BLTP1: variants seen among roughly 807,000 people sequenced by gnomAD.
BLTP1 encodes the protein fragile site-associated protein.
chr4:122,348,113 A>G, the BLTP1 span, among the ~76,000 whole-genome samples: 1 of 152,188 alleles, frequency 6.6e-6, no homozygotes, highest in African/African-American at 2.4e-5. Context: ...AGATTAAAAT[A>G]TAATGAGCAA....
the BLTP1 span, chr4:122,246,929 G>A: frequency 6.9e-7 from 1 of 1,455,942 alleles, no homozygotes; most frequent in South Asian, 1.5e-5. Flanking sequence ...CTCAGAACTG[G>A]TTTTGGAATT....
chr4:122,256,793 CATAAGTTATA>C, the BLTP1 span: 2 of 497,232 alleles, frequency 4.0e-6, no homozygotes, highest in South Asian at 1.8e-4. Context: ...TAGCATACTA[CATAAGTTATA>C]GTAATTTATT....
the BLTP1 span, among the ~76,000 whole-genome samples, chr4:122,168,127 T>C: frequency 6.6e-6 from 1 of 152,254 alleles, no homozygotes; most frequent in Non-Finnish European, 1.5e-5. Flanking sequence ...CTTTTAAATA[T>C]TGAGCCTTTA....
At chr4:122,344,406 C>T in the BLTP1 span, 1 of 1,613,828 alleles carries the variant, frequency 6.2e-7, no homozygotes, top group Non-Finnish European at 8.5e-7. Flanking sequence ...GAGCCCACTT[C>T]AGTCACTGGT....
the BLTP1 span, among the ~76,000 whole-genome samples, chr4:122,157,249 C>G: frequency 1.4e-4 from 21 of 152,102 alleles, no homozygotes; most frequent in African/African-American, 4.6e-4. Context: ...TTCTGTGGAT[C>G]AAAAATTTGG....
At chr4:122,189,157 AATTGT>A in the BLTP1 span, 1 of 844,742 alleles carries the variant, frequency 1.2e-6, no homozygotes, top group Non-Finnish European at 1.4e-6. Context: ...AAAGATTTAA[AATTGT>A]ATTTTTCACT....
At chr4:122,203,858 AAAT>A in the BLTP1 span, 1 of 497,746 alleles carries the variant, frequency 2.0e-6, no homozygotes. Context: ...TTAAAGAATA[AAAT>A]AATAAGATTT....
the BLTP1 span, chr4:122,197,554 C>T: frequency 7.2e-6 from 4 of 556,516 alleles, no homozygotes; most frequent in South Asian, 7.9e-5. Context: ...CATGGTTTTC[C>T]AGTTAGACTG....
chr4:122,208,024 A>G, the BLTP1 span: 3 of 985,116 alleles, frequency 3.0e-6, no homozygotes, highest in Non-Finnish European at 3.6e-6. Context: ...TCTTCCTTTT[A>G]TCTGAATGCC....
chr4:122,172,784 TA>T, the BLTP1 span, among the ~76,000 whole-genome samples: 4 of 152,192 alleles, frequency 2.6e-5, no homozygotes, highest in African/African-American at 9.6e-5. Context: ...ATTTTTTACA[TA>T]ATGTTTATTA....
chr4:122,192,934 A>G, the BLTP1 span, among the ~76,000 whole-genome samples: 2 of 152,326 alleles, frequency 1.3e-5, no homozygotes, highest in African/African-American at 4.8e-5. Context: ...TCACAATTCT[A>G]GAGTCTAAGA....
chr4:122,331,308 C>G, the BLTP1 span: 1 of 1,600,612 alleles, frequency 6.2e-7, no homozygotes, highest in Admixed American at 1.7e-5. Flanking sequence ...ATGTAATGAT[C>G]AATTGTTCTT....
chr4:122,356,802 T>G, the BLTP1 span: 19 of 1,581,612 alleles, frequency 1.2e-5, no homozygotes, highest in Non-Finnish European at 1.4e-5. Flanking sequence ...ATGGCAGCTG[T>G]CAATGCCATT....
At chr4:122,171,816 CA>C in the BLTP1 span, 4 of 984,026 alleles carry the variant, frequency 4.1e-6, no homozygotes, top group Non-Finnish European at 4.8e-6. Flanking sequence ...ACAACAATAA[CA>C]AGCAGAAAAA....
chr4:122,209,837 T>C, the BLTP1 span: 2 of 1,613,612 alleles, frequency 1.2e-6, no homozygotes, highest in Non-Finnish European at 1.7e-6. Context: ...GGTTGAATGC[T>C]GGACTGTCCC....
the BLTP1 span, chr4:122,331,887 T>A: frequency 1.2e-5 from 7 of 580,556 alleles, no homozygotes; most frequent in African/African-American, 1.4e-4. Context: ...CAGAAGTATC[T>A]TGGTTATTGA....
At chr4:122,255,944 A>G in the BLTP1 span, 2 of 447,820 alleles carry the variant, frequency 4.5e-6, no homozygotes, top group Non-Finnish European at 5.9e-6. Flanking sequence ...TTTTTAAGCA[A>G]GAGAATAATC....
At chr4:122,223,046 C>A in the BLTP1 span, 1 of 822,550 alleles carries the variant, frequency 1.2e-6, no homozygotes, top group South Asian at 5.6e-5. Context: ...ACTTTCTTGA[C>A]CACTCTCCCC....
At chr4:122,209,865 T>C in the BLTP1 span, 16 of 1,613,558 alleles carry the variant, frequency 9.9e-6, no homozygotes, top group African/African-American at 2.1e-4. Flanking sequence ...ATGCTTACAA[T>C]TGATTATACA....
Sources: allele counts gnomAD v4.1 joint callset (sites outside exome capture counted in the v4.1 genomes callset), GRCh38; gene constraint gnomAD v4.1.1; transcripts MANE v1.5; gene names NCBI Gene and HGNC (gene_info 2026-07-23, HGNC 2026-07-21).